Variants in NELL1 observed in about 807,000 individuals in gnomAD.
The protein encoded by NELL1 is neural EGFL like 1.
In NELL1, 76 loss-of-function variants were observed where a neutral mutation model predicts 107.4. The observed-to-expected ratio is 0.71, with a 90% CI of 0.59 to 0.86. The LOEUF is 0.86. Ranked by LOEUF, NELL1 falls within the 40% of genes least tolerant of loss-of-function variation. The pLI is 0.00. For synonymous variants in NELL1, 353 were observed against 341.2 expected, an observed-to-expected ratio of 1.03 and a Z score of -0.38; for missense variants, 1,024 against 1,005.5, an observed-to-expected ratio of 1.02 and a Z score of -0.25.
intron 12 of NELL1, among the ~76,000 whole-genome samples, chr11:20,995,028 CT>C (rs1456772827): frequency 3.3e-5 from 5 of 152,120 alleles, no homozygotes; most frequent in African/African-American, 9.7e-5. Flanking sequence ...CTGGTGGAAA[CT>C]TTTTTTCTCT....
intron 2 of NELL1, among the ~76,000 whole-genome samples, chr11:20,689,207 TTC>T (rs1160620992): frequency 2.0e-5 from 3 of 152,136 alleles, no homozygotes; most frequent in African/African-American, 7.2e-5. Flanking sequence ...TGCAAATATT[TTC>T]TCTCATTGTG....
At chr11:20,990,597 T>C (rs1851951436) in intron 12 of NELL1, among the ~76,000 whole-genome samples, 2 of 152,210 alleles carry the variant, frequency 1.3e-5, no homozygotes, top group Non-Finnish European at 2.9e-5. Context: ...AGCTGAGGAA[T>C]GGCATCTCAG....
intron 2 of NELL1, among the ~76,000 whole-genome samples, chr11:20,730,205 T>C (rs1023359927): frequency 1.3e-5 from 2 of 152,106 alleles, no homozygotes; most frequent in African/African-American, 4.8e-5. Context: ...TAAGCAAATA[T>C]GTAAAAGATT....
chr11:20,683,583 A>AT (rs1298809125), intron 2 of NELL1, among the ~76,000 whole-genome samples: 1 of 151,938 alleles, frequency 6.6e-6, no homozygotes, highest in Non-Finnish European at 1.5e-5. Context: ...TCCACCCGAT[A>AT]TTATTTTCAT....
intron 4 of NELL1, among the ~76,000 whole-genome samples, chr11:20,877,728 A>AGG (rs776254091): frequency 6.6e-6 from 1 of 152,242 alleles, no homozygotes; most frequent in Non-Finnish European, 1.5e-5. Flanking sequence ...CCTCTCAAGC[A>AGG]GGTTTTACAT....
chr11:21,047,563 A>G (rs1026184732), intron 12 of NELL1, among the ~76,000 whole-genome samples: 3 of 152,152 alleles, frequency 2.0e-5, no homozygotes, highest in African/African-American at 7.2e-5. Context: ...AACATTTCAG[A>G]TGTACAATTT....
chr11:21,246,586 C>G (rs56092408), intron 14 of NELL1, among the ~76,000 whole-genome samples: 1 of 151,974 alleles, frequency 6.6e-6, no homozygotes, highest in Non-Finnish European at 1.5e-5. Context: ...CTAGACTCTA[C>G]GATATGGCCT....
intron 13 of NELL1, among the ~76,000 whole-genome samples, chr11:21,138,045 G>A (rs1855782926): frequency 6.6e-6 from 1 of 152,092 alleles, no homozygotes; most frequent in South Asian, 2.1e-4. Flanking sequence ...ACTTTGTTTG[G>A]CAAAGGTGTT....
intron 12 of NELL1, among the ~76,000 whole-genome samples, chr11:21,106,956 A>G (rs1854984324): frequency 2.0e-5 from 3 of 152,332 alleles, no homozygotes; most frequent in Admixed American, 6.5e-5. Context: ...AAAGGGAAGA[A>G]TAATTTACAT....
chr11:20,979,029 A>G (rs539105872), intron 12 of NELL1, among the ~76,000 whole-genome samples: 1 of 152,294 alleles, frequency 6.6e-6, no homozygotes, highest in East Asian at 1.9e-4. Flanking sequence ...CTGGAGAAAG[A>G]CAAAGGGTTT....
Position 21,522,834 on chromosome 11 carries a change from C to CTTTTTTTTTTTTTT in NELL1, c.1646-11529_1646-11516dup, listed in dbSNP as rs66707466. Among the ~76,000 whole-genome samples, 223 of 68,466 alleles carry CTTTTTTTTTTTTTT rather than the reference C, an allele frequency of 3.3e-3. 1 individual carries two copies. Among genetic ancestry groups the CTTTTTTTTTTTTTT allele is most frequent in the African/African-American group, 3.3e-3 (54 of 16,186 alleles). 44.9% of individuals were successfully genotyped at this position (68,466 alleles called of 152,430 possible). A position where few individuals can be genotyped will look rare whatever the true frequency, so the allele number is the denominator to read the frequency against. Reference sequence around the variant, plus strand: ...ATCTTGAATCCTATTTTTTTCTTTTCTTTTTTTTTTTTTTTTTTTTTTTTG... The same window carrying CTTTTTTTTTTTTTT: ...ATCTTGAATCCTATTTTTTTCTTTTCTTTTTTTTTTTTTTTTTTTTTTTTTTTTTTTTTTTTTTG... On this transcript the variant is annotated intron_variant, in intron 15 of 19. Transcript: ENST00000357134.
At chr11:21,483,704 G>A (rs1280285671) in intron 15 of NELL1, among the ~76,000 whole-genome samples, 1 of 151,320 alleles carries the variant, frequency 6.6e-6, no homozygotes, top group African/African-American at 2.4e-5. Context: ...TATGAATTAT[G>A]CTATTAGTAA....
At chr11:20,988,473 ATATC>A (rs769263384) in intron 12 of NELL1, among the ~76,000 whole-genome samples, 4 of 150,506 alleles carry the variant, frequency 2.7e-5, no homozygotes, top group Non-Finnish European at 5.9e-5. Context: ...GTGTGTATAT[ATATC>A]TATATATACA....
intron 5 of NELL1, among the ~76,000 whole-genome samples, chr11:20,896,791 A>G (rs1384782299): frequency 6.6e-6 from 1 of 152,174 alleles, no homozygotes; most frequent in Admixed American, 6.5e-5. Flanking sequence ...GAGCCAAATC[A>G]TGAGTGAACT....
At chr11:21,088,643 T>TC (rs1173126207) in intron 12 of NELL1, among the ~76,000 whole-genome samples, 1 of 151,970 alleles carries the variant, frequency 6.6e-6, no homozygotes, top group Non-Finnish European at 1.5e-5. Context: ...GTCAAGTGAC[T>TC]TTTTTTTAGC....
At chr11:20,937,521 T>C (rs2134185179) in intron 9 of NELL1, among the ~76,000 whole-genome samples, 1 of 152,348 alleles carries the variant, frequency 6.6e-6, no homozygotes, top group South Asian at 2.1e-4. Flanking sequence ...ATCAGTTCAT[T>C]CTCTAGTTCC....
chr11:21,367,010 G>A (rs957321148), intron 14 of NELL1, among the ~76,000 whole-genome samples: 1 of 151,744 alleles, frequency 6.6e-6, no homozygotes, highest in Non-Finnish European at 1.5e-5. Context: ...TTCTCATTTT[G>A]TTCCCCTTAA....
At chr11:21,073,084 C>T (rs946698051) in intron 12 of NELL1, among the ~76,000 whole-genome samples, 13 of 152,070 alleles carry the variant, frequency 8.5e-5, no homozygotes, top group African/African-American at 2.9e-4. Context: ...GTAGGTGTCT[C>T]GTCAATTTGG....
chr11:20,763,588 G>T (rs11604445), intron 2 of NELL1, among the ~76,000 whole-genome samples: 1 of 152,042 alleles, frequency 6.6e-6, no homozygotes, highest in African/African-American at 2.4e-5. Context: ...ACTGGACCAC[G>T]TTCTGTGACC....
Sources: allele counts gnomAD v4.1 joint callset (sites outside exome capture counted in the v4.1 genomes callset), GRCh38; gene constraint gnomAD v4.1.1; transcripts MANE v1.5; gene names NCBI Gene and HGNC (gene_info 2026-07-23, HGNC 2026-07-21).